Variants in REXO1 observed in about 807,000 individuals in gnomAD.
REXO1 encodes RNA exonuclease 1 homolog.
In REXO1, 42 loss-of-function variants were observed where a neutral mutation model predicts 102.6. That is an observed-to-expected ratio of 0.41 (90% CI 0.32 to 0.53). REXO1 has a LOEUF of 0.53. Ranked by LOEUF, REXO1 falls within the 20% of genes least tolerant of loss-of-function variation. REXO1 has a pLI of 0.27. For synonymous variants in REXO1, 908 were observed against 779.1 expected (o/e 1.17, Z -2.76); for missense variants, 1,819 against 1,732.5 (o/e 1.05, Z -0.89).
chr19:1,822,802 G>C (rs1433469738), intron 4 of REXO1: 1 of 152,320 alleles, frequency 6.6e-6, no homozygotes, highest in African/African-American at 2.4e-5. Flanking sequence ...GCCGGGGCTG[G>C]CCCTAAGGCT....
intron 1 of REXO1, among the ~76,000 whole-genome samples, chr19:1,828,868 G>A (rs1474592357): frequency 6.6e-6 from 1 of 152,272 alleles, no homozygotes; most frequent in African/African-American, 2.4e-5. Context: ...GGCCTGGGCT[G>A]CGTGACACAC....
chr19:1,847,835 C>A (rs1260624267), intron 1 of REXO1, among the ~76,000 whole-genome samples: 2 of 152,054 alleles, frequency 1.3e-5, no homozygotes, highest in Non-Finnish European at 2.9e-5. Context: ...AAGCGGCGGG[C>A]GCCAATCAGG....
rs2069412564 is a variant in REXO1, at chr19:1,817,735, G to C, written c.3062C>G (p.Ala1021Gly). The stretch of plus-strand genomic sequence containing the variant: ...TGCGACTTGGCAGCCGACAGAGCCG[G>C]CGGCAGCCGAGCAGCACATGTACTG... ...ETQYMCCSAA[A>G]GSVGCQVAKQ... Residue 1021 changes from alanine (A) to glycine (G), a missense_variant, in exon 11 of 16, where the codon GCC becomes GGC. Coordinates refer to ENST00000170168, the MANE Select transcript of REXO1 (RefSeq NM_020695.4). The C allele has an allele frequency of 1.9e-6, 3 of 1,612,380 alleles. No individual in the cohort carries two copies. In the East Asian group the frequency reaches 6.7e-5, roughly 36 times the overall value.
intron 7 of REXO1, among the ~76,000 whole-genome samples, chr19:1,819,421 G>GT (rs1435765672): frequency 6.6e-6 from 1 of 151,654 alleles, no homozygotes; most frequent in Non-Finnish European, 1.5e-5. Context: ...AGGGCGGGGA[G>GT]AACAGCACGG....
chr19:1,826,840 C>G lies in REXO1; in HGVS notation c.1911+38G>C, dbSNP rs750096560. ...TCTCTCACCAGGCCCTCGGCTCTGCCTCTGCCCGAGCCCAGCCCCAGCACC... is the reference window on the plus strand; with the variant it reads ...TCTCTCACCAGGCCCTCGGCTCTGCGTCTGCCCGAGCCCAGCCCCAGCACC... On this transcript the variant is annotated intron_variant, in intron 2 of 15. Transcript: ENST00000170168. This position sits in a 1 kb window ranked among gnomAD's most constrained non-coding sequence, Gnocchi z 4.3. 6.5e-7 allele frequency: 1 copy of G among 1,549,134 alleles called. No homozygotes were observed. The highest frequency in any genetic ancestry group is 1.2e-5 in the South Asian group (1 of 84,058).
chr19:1,819,570 T>C (rs1462649516), intron 7 of REXO1, among the ~76,000 whole-genome samples: 1 of 152,204 alleles, frequency 6.6e-6, no homozygotes, highest in Admixed American at 6.5e-5. Context: ...CTGGAGAGGC[T>C]GCAATGAAAC....
In REXO1 at chr19:1,821,562, G is replaced by C. The variant is rs1327150406; in HGVS notation, c.2351C>G (p.Thr784Ser). The C allele has an allele frequency of 6.2e-6, 10 of 1,613,968 alleles. No individual in the cohort carries two copies. The highest frequency in any genetic ancestry group is 7.6e-6 in the Non-Finnish European group (9 of 1,179,916). The change falls in exon 5 of 16, where the codon ACC becomes AGC. Residue 784 changes from threonine to serine, a missense_variant. Thr to Ser is a moderately conservative substitution (Grantham distance 58, BLOSUM62 1). Coordinates refer to ENST00000170168, the MANE Select transcript of REXO1 (RefSeq NM_020695.4). ...GGCGATTCGCTTAGGGATGATGGTG[G>C]TGGTAGTCTTGGACGCCATCCCCGA... Reference protein sequence around the residue: ...TLSGMASKTTTTIIPKRIAHS... With the variant: ...TLSGMASKTTSTIIPKRIAHS...
Position 1,818,810 on chromosome 19 carries a change from A to G in REXO1, c.2798T>C (p.Leu933Pro), listed in dbSNP as rs2069447094. 6.2e-7 allele frequency: 1 copy of G among 1,609,394 alleles called. No individual in the cohort carries two copies. Among genetic ancestry groups the G allele is most frequent in the African/African-American group, 1.3e-5 (1 of 74,906 alleles). ...AALYSRLREY[L>P]LTQDQLKENG... ...CTCCTTGAGCTGGTCCTGGGTGAGC[A>G]GGTACTCCCTGAGGCGGCTGTACAG... Residue 933 changes from leucine to proline, a missense_variant, in exon 9 of 16, where the codon CTG becomes CCG. Physicochemically the swap from Leu to Pro is moderately conservative, Grantham distance 98 (BLOSUM62 -3). Transcript: ENST00000170168.
Position 1,825,929 on chromosome 19 carries a change from C to G in REXO1, c.1926G>C (p.Glu642Asp). 1.0e-6 allele frequency: 1 copy of G among 966,256 alleles called. No individual in the cohort carries two copies. Among genetic ancestry groups the G allele is most frequent in the Non-Finnish European group, 1.4e-6 (1 of 739,480 alleles). 59.9% of individuals were successfully genotyped at this position (966,256 alleles called of 1,614,324 possible). A position where few individuals can be genotyped will look rare whatever the true frequency, so the allele number is the denominator to read the frequency against. Residue 642 changes from glutamate (E) to aspartate (D), a missense_variant, in exon 3 of 16, where the codon GAG (glutamate) becomes GAC (aspartate). Glu to Asp is a conservative substitution (Grantham distance 45, BLOSUM62 2). Coordinates refer to ENST00000170168, the MANE Select transcript of REXO1 (RefSeq NM_020695.4). Reference sequence around the variant, plus strand: ...CCGAAAGCCCCTTCTCCTCACTCTTCTCTTCCTTGGGGGGCTAAGACACAT... The same window carrying G: ...CCGAAAGCCCCTTCTCCTCACTCTTGTCTTCCTTGGGGGGCTAAGACACAT... ...GRLARQPPKE[E>D]KSEEKGLSGL...
At position 1,827,034 on chromosome 19, in the gene REXO1, G is replaced by A. The variant is rs1477525492; in HGVS notation, c.1755C>T (p.Ser585=). 9 of 1,456,386 alleles carry A rather than the reference G, an allele frequency of 6.2e-6. No homozygotes were observed. Among genetic ancestry groups the A allele is most frequent in the Non-Finnish European group, 8.4e-6 (9 of 1,065,536 alleles). 90.2% of individuals were successfully genotyped at this position (1,456,386 alleles called of 1,614,324 possible). The part of the protein sequence containing the change: ...PPSPAPSSSS[S]SSSSTSSAGA... Reference sequence around the variant, plus strand: ...CCGCGCTGGAGGTGGAGGAGGAGGAGGAGGAGGAGGAGGATGGGGCGGGGG... The same window carrying A: ...CCGCGCTGGAGGTGGAGGAGGAGGAAGAGGAGGAGGAGGATGGGGCGGGGG... Residue 585 remains serine, a synonymous_variant, in exon 2 of 16, where the codon TCC becomes TCT. Coordinates refer to ENST00000170168, the MANE Select transcript of REXO1 (RefSeq NM_020695.4).
rs1346383539 is a variant in REXO1, at chr19:1,827,750, C to T, written c.1039G>A (p.Gly347Arg). The change falls in exon 2 of 16, where the codon GGG becomes AGG. Residue 347 changes from glycine (G) to arginine (R), a missense_variant. Physicochemically the swap from Gly to Arg is moderately radical, Grantham distance 125. Transcript: ENST00000170168. ...TTGGCTGGGGGCGGCTGGAGGTCCC[C>T]CACGTCGCACTGCACGGCCGTCTCC... Reference protein sequence around the residue: ...TKETAVQCDVGDLQPPPAKPA... With the variant: ...TKETAVQCDVRDLQPPPAKPA... The T allele has an allele frequency of 1.1e-5, 17 of 1,570,660 alleles. No individual in the cohort carries two copies. Among genetic ancestry groups the T allele is most frequent in the South Asian group, 2.3e-5 (2 of 87,112 alleles).
intron 7 of REXO1, 119 bp from the exon 8 acceptor site, chr19:1,819,250 G>T: frequency 2.7e-6 from 2 of 729,474 alleles, no homozygotes; most frequent in Non-Finnish European, 4.4e-6. Flanking sequence ...CCCTTTCTGG[G>T]ACAGCACCCC....
At chr19:1,823,410 C>T (rs1479672134) in intron 4 of REXO1, 162 bp downstream of exon 4, 5 of 437,438 alleles carry the variant, frequency 1.1e-5, no homozygotes, top group Non-Finnish European at 3.8e-6. Flanking sequence ...CAACAGTCCC[C>T]ATTTCACAGA....
intron 7 of REXO1, 142 bp from the exon 8 acceptor site, chr19:1,819,273 T>G: frequency 1.6e-6 from 1 of 628,914 alleles, no homozygotes; most frequent in Non-Finnish European, 2.6e-6. Context: ...TGACCCCGGG[T>G]TCCAGCCTGA....
rs1295813331 is a variant in REXO1 at position 1,817,597 on chromosome 19, G to A, written c.3090+110C>T. On this transcript the variant is annotated intron_variant, in intron 11 of 15. Coordinates refer to ENST00000170168, the MANE Select transcript of REXO1 (RefSeq NM_020695.4). ...GTAACACAAGAAAGGCTGCCCGGGG[G>A]CCCAGACCCTGAGCCCAGGACTGTG... 8 of 1,441,774 alleles carry A rather than the reference G, an allele frequency of 5.5e-6. No homozygotes were observed. The African/African-American group carries it at 9.9e-5, about 18-fold the overall frequency. 89.3% of individuals were successfully genotyped at this position (1,441,774 alleles called of 1,614,324 possible). A position where few individuals can be genotyped will look rare whatever the true frequency, so the allele number is the denominator to read the frequency against.
intron 5 of REXO1, 44 bp from the exon 6 acceptor site, chr19:1,820,439 G>A (rs1225793594): frequency 1.2e-6 from 2 of 1,605,254 alleles, no homozygotes; most frequent in African/African-American, 2.7e-5. Flanking sequence ...GCCTCCACAA[G>A]GCCTCCAGCG....
At chr19:1,842,272 G>A (rs765420087) in intron 1 of REXO1, among the ~76,000 whole-genome samples, 4 of 150,472 alleles carry the variant, frequency 2.7e-5, no homozygotes, top group East Asian at 3.9e-4. Context: ...AGGCGGGGCC[G>A]CCAGACCGGC....
At position 1,848,372 on chromosome 19, in the gene REXO1, G is replaced by T; in HGVS notation, c.-14C>A. The T allele has an allele frequency of 8.3e-7, 1 of 1,207,234 alleles. No homozygotes were observed. 74.8% of individuals were successfully genotyped at this position (1,207,234 alleles called of 1,614,324 possible). The stretch of plus-strand genomic sequence containing the variant: ...GGAGCGTAGCATGGTCCGTCCCGCG[G>T]CGGGGCCCCGGCCCGGAGCCGCCCG... On this transcript the variant is annotated 5_prime_UTR_variant, in exon 1 of 16. Transcript: ENST00000170168.
rs376933375 is a variant in REXO1 at position 1,816,857 on chromosome 19, C to G, written c.3202-44G>C. The G allele has an allele frequency of 1.7e-5, 24 of 1,413,106 alleles. No homozygotes were observed. The African/African-American group carries it at 3.1e-4, about 18-fold the overall frequency. 87.5% of individuals were successfully genotyped at this position (1,413,106 alleles called of 1,614,324 possible). ...CCTCAGATGTGTCCCAGGCACCGGC[C>G]TCCCTCCCTCCCCTTCCCTGCCCCT... On this transcript the variant is annotated intron_variant, in intron 12 of 15. Coordinates refer to ENST00000170168, the MANE Select transcript of REXO1 (RefSeq NM_020695.4).
Sources: allele counts gnomAD v4.1 joint callset (sites outside exome capture counted in the v4.1 genomes callset), GRCh38; gene constraint gnomAD v4.1.1; non-coding constraint Gnocchi (gnomAD v3.1); transcripts MANE v1.5; gene names NCBI Gene and HGNC (gene_info 2026-07-23, HGNC 2026-07-21).